CPNE4: variants seen among roughly 807,000 people sequenced by gnomAD.
The protein encoded by CPNE4 is copine 4, also known as copine-4.
A neutral mutation model predicts 67.9 loss-of-function variants in CPNE4; 25 were observed. The observed-to-expected ratio is 0.37, with a 90% CI of 0.27 to 0.51. The LOEUF (loss-of-function observed/expected upper bound fraction) is 0.51. CPNE4 is among the 20% of genes least tolerant of loss of function. CPNE4 has a pLI of 0.93. For synonymous variants in CPNE4, 242 were observed against 244.9 expected (o/e 0.99, Z 0.11); for missense variants, 464 against 690.8 (o/e 0.67, Z 3.68).
intron 1 of CPNE4, among the ~76,000 whole-genome samples, chr3:131,919,701 A>G (rs528658282): frequency 6.6e-6 from 1 of 152,320 alleles, no homozygotes; most frequent in East Asian, 1.9e-4. Context: ...TTAAAAAGTA[A>G]ATAATAGGTG....
rs199587493 is a variant in CPNE4 at position 131,620,372 on chromosome 3, T to TA, written c.682-32791dup. On this transcript the variant is annotated intron_variant, in intron 7 of 15. Coordinates refer to ENST00000429747, the MANE Select transcript of CPNE4 (RefSeq NM_130808.3). The stretch of plus-strand genomic sequence containing the variant: ...GTTTAAAGGTTTTAAATTGACAAAC[T>TA]AGGCTACGGTAAATCCTTTTACTTT... 1.8e-3 allele frequency: 1,288 copies of TA among 734,900 alleles called. 14 individuals carry two copies. The African/African-American group carries it at 0.023, about 13-fold the overall frequency. 45.5% of individuals were successfully genotyped at this position (734,900 alleles called of 1,614,324 possible).
chr3:131,787,446 T>A (rs1000381975), intron 2 of CPNE4, among the ~76,000 whole-genome samples: 5 of 152,136 alleles, frequency 3.3e-5, no homozygotes, highest in African/African-American at 1.2e-4. Flanking sequence ...TTAGCCCACA[T>A]GACAAGGCTT....
intron 1 of CPNE4, among the ~76,000 whole-genome samples, chr3:131,928,232 A>G (rs1583466575): frequency 6.6e-6 from 1 of 152,216 alleles, no homozygotes; most frequent in Admixed American, 6.5e-5. Flanking sequence ...CAGAATAAGC[A>G]TGTATTAATT....
At chr3:131,803,633 G>T (rs1583227588) in intron 2 of CPNE4, among the ~76,000 whole-genome samples, 1 of 152,234 alleles carries the variant, frequency 6.6e-6, no homozygotes, top group South Asian at 2.1e-4. Flanking sequence ...GCCAGGCACT[G>T]TTCTAGCCAC....
rs144147319 is a variant in CPNE4, at chr3:132,020,166, C to T, written c.-2+14401G>A. Reference sequence around the variant, plus strand: ...AGAGCTTGTGAAGGGCTTTCCCCCTCCTCAGCCCCAGGTTGTTCACTGCCT... The same window carrying T: ...AGAGCTTGTGAAGGGCTTTCCCCCTTCTCAGCCCCAGGTTGTTCACTGCCT... On this transcript the variant is annotated intron_variant, in intron 1 of 15. Coordinates refer to ENST00000429747, the MANE Select transcript of CPNE4 (RefSeq NM_130808.3). Among the ~76,000 whole-genome samples, 7 of 152,356 alleles carry T rather than the reference C, an allele frequency of 4.6e-5. No individual in the cohort carries two copies. The East Asian group carries it at 1.4e-3, about 29-fold the overall frequency.
At chr3:131,740,263 T>G (rs373339407) in intron 2 of CPNE4, among the ~76,000 whole-genome samples, 1 of 152,198 alleles carries the variant, frequency 6.6e-6, no homozygotes, top group African/African-American at 2.4e-5. Context: ...GCTGTCCATA[T>G]TGGCATGATC....
At chr3:131,864,530 T>C (rs940256111) in intron 2 of CPNE4, among the ~76,000 whole-genome samples, 1 of 152,064 alleles carries the variant, frequency 6.6e-6, no homozygotes, top group Non-Finnish European at 1.5e-5. Context: ...TGTATAAGAA[T>C]GCTTGTGAAT....
At position 131,910,235 on chromosome 3, in the gene CPNE4, A is replaced by AG. The variant is rs532486428; in HGVS notation, c.-1-4792dup. ...CACTAAAGGGATGCAGTTCTGGGGA[A>AG]GGGGGGAGAAAGAGAACAGCATATT... On this transcript the variant is annotated intron_variant, in intron 1 of 15. Coordinates refer to ENST00000429747, the MANE Select transcript of CPNE4 (RefSeq NM_130808.3). Among the ~76,000 whole-genome samples, 932 of 152,258 alleles carry AG rather than the reference A, an allele frequency of 6.1e-3. 12 individuals carry two copies. Among genetic ancestry groups the AG allele is most frequent in the African/African-American group, 0.021 (858 of 41,558 alleles).
chr3:131,774,747 C>A (rs142438110), intron 2 of CPNE4, among the ~76,000 whole-genome samples: 163 of 152,248 alleles, frequency 1.1e-3, no homozygotes, highest in Admixed American at 3.2e-3. Flanking sequence ...CACTTCCCTG[C>A]CTCTCGTCCA....
At chr3:131,934,715 G>C (rs2071173088) in intron 1 of CPNE4, among the ~76,000 whole-genome samples, 1 of 152,106 alleles carries the variant, frequency 6.6e-6, no homozygotes, top group Non-Finnish European at 1.5e-5. Flanking sequence ...TGACATGACA[G>C]GGATACAGGC....
At chr3:131,546,837 T>A (rs1935869451) in intron 14 of CPNE4, among the ~76,000 whole-genome samples, 1 of 152,176 alleles carries the variant, frequency 6.6e-6, no homozygotes, top group African/African-American at 2.4e-5. Context: ...CCTTGGATGC[T>A]CTTGAGGATA....
At chr3:131,792,652 TATACACAC>T (rs2083771798) in intron 2 of CPNE4, among the ~76,000 whole-genome samples, 3 of 77,896 alleles carry the variant, frequency 3.9e-5, no homozygotes, top group Non-Finnish European at 5.2e-5. Context: ...TATATGTATA[TATACACAC>T]GTGTATATAT....
chr3:131,926,898 C>T (rs1159844612), intron 1 of CPNE4, among the ~76,000 whole-genome samples: 2 of 152,012 alleles, frequency 1.3e-5, no homozygotes, highest in East Asian at 1.9e-4. Flanking sequence ...GATGGAACAG[C>T]TTGGGCGAAG....
At chr3:131,863,733 G>C (rs552530047) in intron 2 of CPNE4, among the ~76,000 whole-genome samples, 84 of 152,220 alleles carry the variant, frequency 5.5e-4, no homozygotes, top group African/African-American at 1.7e-3. Flanking sequence ...GTCAATTTTG[G>C]CTTTTGTTGC....
chr3:132,022,809 CCT>C (rs977388200), intron 1 of CPNE4, among the ~76,000 whole-genome samples: 22 of 152,210 alleles, frequency 1.4e-4, no homozygotes, highest in African/African-American at 4.8e-4. Flanking sequence ...TATCTGATTC[CCT>C]GTTTTCTAAC....
At chr3:131,979,500 C>A (rs1408820791) in intron 1 of CPNE4, among the ~76,000 whole-genome samples, 2 of 152,146 alleles carry the variant, frequency 1.3e-5, no homozygotes, top group Non-Finnish European at 2.9e-5. Context: ...AAAATAGCTA[C>A]TCCTGCTCGC....
intron 1 of CPNE4, among the ~76,000 whole-genome samples, chr3:131,976,045 CTTTTT>C (rs1360862984): frequency 6.9e-6 from 1 of 145,226 alleles, no homozygotes; most frequent in South Asian, 2.2e-4. Context: ...AACTATAGGA[CTTTTT>C]TTAAAACTTA....
At chr3:132,032,050 A>C (rs976085454) in intron 1 of CPNE4, among the ~76,000 whole-genome samples, 1 of 152,236 alleles carries the variant, frequency 6.6e-6, no homozygotes, top group Non-Finnish European at 1.5e-5. Context: ...CTTTTAATTA[A>C]AACCTCTAAA....
chr3:132,016,833 C>T (rs1218335869), intron 1 of CPNE4, among the ~76,000 whole-genome samples: 1 of 152,222 alleles, frequency 6.6e-6, no homozygotes, highest in Admixed American at 6.5e-5. Flanking sequence ...TGCATCATCT[C>T]ACATTCCTGT....
Sources: allele counts gnomAD v4.1 joint callset (sites outside exome capture counted in the v4.1 genomes callset), GRCh38; gene constraint gnomAD v4.1.1; transcripts MANE v1.5; gene names NCBI Gene and HGNC (gene_info 2026-07-23, HGNC 2026-07-21).